Variants in FAM135B observed in about 807,000 individuals in gnomAD.
FAM135B encodes family with sequence similarity 135 member B, also known as protein FAM135B.
In FAM135B, 43 loss-of-function variants were observed where a neutral mutation model predicts 127.7. The observed-to-expected ratio is 0.34, with a 90% CI of 0.26 to 0.43. FAM135B has a LOEUF of 0.43. FAM135B is among the 20% of genes least tolerant of loss of function. The pLI is 1.00. For synonymous variants in FAM135B, 670 were observed against 665.1 expected (o/e 1.01, Z -0.11); for missense variants, 1,558 against 1,725.6 (o/e 0.90, Z 1.72).
At chr8:138,253,847 T>C (rs1821883660) in intron 5 of FAM135B, among the ~76,000 whole-genome samples, 2 of 152,220 alleles carry the variant, frequency 1.3e-5, no homozygotes, top group South Asian at 4.1e-4. Flanking sequence ...CAGAGCCTAA[T>C]GTCCACCCCA....
At chr8:138,377,567 G>A (rs1410171537) in intron 1 of FAM135B, among the ~76,000 whole-genome samples, 1 of 152,090 alleles carries the variant, frequency 6.6e-6, no homozygotes, top group Non-Finnish European at 1.5e-5. Flanking sequence ...ACCCAGTCTG[G>A]AGATAACTAA....
At chr8:138,154,827 C>T (rs1818560476) in intron 12 of FAM135B, among the ~76,000 whole-genome samples, 1 of 152,138 alleles carries the variant, frequency 6.6e-6, no homozygotes, top group South Asian at 2.1e-4. Context: ...AATTCGTGTA[C>T]CTGAAAGTGA....
chr8:138,245,981 C>G (rs760191818), intron 6 of FAM135B, among the ~76,000 whole-genome samples: 2 of 152,260 alleles, frequency 1.3e-5, no homozygotes, highest in East Asian at 3.9e-4. Context: ...TTCTTGGGAA[C>G]TGGAACAAAG....
At chr8:138,379,279 C>T (rs1831684328) in intron 1 of FAM135B, among the ~76,000 whole-genome samples, 3 of 152,052 alleles carry the variant, frequency 2.0e-5, no homozygotes, top group South Asian at 2.1e-4. Flanking sequence ...TTACCCTAAT[C>T]GAATTTTAGT....
chr8:138,489,020 C>T (rs1332810449), intron 1 of FAM135B, among the ~76,000 whole-genome samples: 1 of 152,146 alleles, frequency 6.6e-6, no homozygotes, highest in Non-Finnish European at 1.5e-5. Context: ...TAAAGGAACA[C>T]CTTTGCTTCC....
chr8:138,182,592 A>T (rs1815165843), intron 9 of FAM135B, among the ~76,000 whole-genome samples: 2 of 152,216 alleles, frequency 1.3e-5, no homozygotes, highest in Admixed American at 6.5e-5. Context: ...GAGGTGTATG[A>T]TCGTGTTATA....
At chr8:138,213,507 CTTT>C (rs142780602) in intron 7 of FAM135B, among the ~76,000 whole-genome samples, 106 of 139,610 alleles carry the variant, frequency 7.6e-4, no homozygotes, top group African/African-American at 2.5e-3. Flanking sequence ...TATGTAATTT[CTTT>C]TTTTTTTTTT....
At chr8:138,444,574 G>T (rs1036476872) in intron 1 of FAM135B, among the ~76,000 whole-genome samples, 16 of 152,054 alleles carry the variant, frequency 1.1e-4, no homozygotes, top group Admixed American at 4.6e-4. Flanking sequence ...TGAAATGAAG[G>T]CAGAAATAAA....
At chr8:138,428,314 T>C (rs1458207438) in intron 1 of FAM135B, among the ~76,000 whole-genome samples, 1 of 152,130 alleles carries the variant, frequency 6.6e-6, no homozygotes, top group Admixed American at 6.6e-5. Context: ...AAACCACAGC[T>C]AGTATACAGT....
chr8:138,211,004 T>C (rs111271024), intron 7 of FAM135B, among the ~76,000 whole-genome samples: 6 of 152,216 alleles, frequency 3.9e-5, no homozygotes, highest in African/African-American at 1.2e-4. Context: ...TGGCTGTGAT[T>C]TGAATGAGGT....
intron 5 of FAM135B, 50 bp from the exon 6 acceptor site, chr8:138,251,064 C>T (rs765907983): frequency 1.2e-6 from 2 of 1,603,106 alleles, no homozygotes; most frequent in Non-Finnish European, 1.7e-6. Context: ...GTTGCCCCTG[C>T]TGTCCTCCTA....
intron 1 of FAM135B, among the ~76,000 whole-genome samples, chr8:138,450,272 A>G (rs1271615417): frequency 6.6e-6 from 1 of 152,222 alleles, no homozygotes; most frequent in Non-Finnish European, 1.5e-5. Flanking sequence ...GATTGCTTCC[A>G]AGTTTTGGCA....
At chr8:138,398,985 A>G (rs750956143) in intron 1 of FAM135B, among the ~76,000 whole-genome samples, 6 of 152,216 alleles carry the variant, frequency 3.9e-5, no homozygotes, top group Non-Finnish European at 5.9e-5. Context: ...TCTAGAACAG[A>G]GCTCATTCTA....
At chr8:138,366,564 A>G (rs1830750661) in intron 2 of FAM135B, among the ~76,000 whole-genome samples, 1 of 152,132 alleles carries the variant, frequency 6.6e-6, no homozygotes, top group Non-Finnish European at 1.5e-5. Flanking sequence ...CTTCCCTGAA[A>G]CAGAAAGCTG....
chr8:138,441,248 C>A (rs1254036773), intron 1 of FAM135B: 1 of 152,234 alleles, frequency 6.6e-6, no homozygotes, highest in Admixed American at 6.5e-5. Flanking sequence ...GATGAGAGAA[C>A]AAGTTTGTTT....
intron 12 of FAM135B, among the ~76,000 whole-genome samples, chr8:138,156,035 A>C (rs898497659): frequency 6.6e-6 from 1 of 152,090 alleles, no homozygotes; most frequent in Non-Finnish European, 1.5e-5. Flanking sequence ...AAACTGACCA[A>C]ATAGATGGAA....
intron 7 of FAM135B, among the ~76,000 whole-genome samples, chr8:138,234,432 A>G (rs181620087): frequency 2.0e-5 from 3 of 152,332 alleles, no homozygotes; most frequent in Admixed American, 1.3e-4. Flanking sequence ...TCATTGCAGC[A>G]TCATTCACAA....
At chr8:138,423,220 G>A (rs558461512) in intron 1 of FAM135B, among the ~76,000 whole-genome samples, 1 of 152,262 alleles carries the variant, frequency 6.6e-6, no homozygotes, top group Non-Finnish European at 1.5e-5. Flanking sequence ...CAGACAAGGG[G>A]CAACTTACCT....
rs1834056439 is a variant in FAM135B, at chr8:138,414,895, A to G, written c.-19-46893T>C. ...GAGATGATCTGTGTCCTCATCCCTC[A>G]TTCGAATTTGGGCACACAGCAGGTC... On this transcript the variant is annotated intron_variant, in intron 1 of 19. Coordinates refer to ENST00000395297, the MANE Select transcript of FAM135B (RefSeq NM_015912.4). Among the ~76,000 whole-genome samples, 6 of 152,220 alleles carry G rather than the reference A, an allele frequency of 3.9e-5. No individual in the cohort carries two copies. The South Asian group carries it at 1.3e-3, about 32-fold the overall frequency.
Sources: gnomAD v4.1 joint callset for allele counts (sites outside exome capture counted in the v4.1 genomes callset) on GRCh38, gnomAD v4.1.1 for gene constraint, MANE v1.5 for transcripts, NCBI Gene and HGNC (gene_info 2026-07-23, HGNC 2026-07-21) for gene names.